The following CRACR2A variants were observed in gnomAD, a reference collection of about 807,000 sequenced individuals.
CRACR2A encodes calcium release activated channel regulator 2A.
Under a neutral mutation model 90.5 loss-of-function variants are expected in CRACR2A, and 79 were observed. The observed-to-expected ratio is 0.87, with a 90% CI of 0.73 to 1.05. The LOEUF (loss-of-function observed/expected upper bound fraction) is 1.05, where lower values mean the gene tolerates loss of function less well. Ranked by LOEUF, CRACR2A falls within the 50% of genes least tolerant of loss-of-function variation. The pLI, the probability that CRACR2A is intolerant of heterozygous loss-of-function variation, is 0.00. For synonymous variants in CRACR2A, 338 were observed against 356.7 expected (o/e 0.95, Z 0.59); for missense variants, 823 against 897.2 (o/e 0.92, Z 1.06).
Position 3,619,355 on chromosome 12 carries a change from C to T in CRACR2A, c.1950G>A (p.Arg650=), listed in dbSNP as rs1433333969. The change falls in exon 18 of 20, where the codon CGG becomes CGA. Residue 650 remains arginine, a synonymous_variant. Coordinates refer to ENST00000440314, the MANE Select transcript of CRACR2A (RefSeq NM_001144958.2). Reference sequence around the variant, plus strand: ...TATTACCCAGCAGAAGAACAGGCACCCGGTCTCCCACAGCTTCCTGCAGAA... The same window carrying T: ...TATTACCCAGCAGAAGAACAGGCACTCGGTCTCCCACAGCTTCCTGCAGAA... ...LSSVEEAVGD[R]VPVLLLGNKL... is the part of the protein sequence containing the mutation. The T allele has an allele frequency of 6.4e-7, 1 of 1,551,526 alleles. No individual in the cohort carries two copies. Among genetic ancestry groups the T allele is most frequent in the African/African-American group, 1.4e-5 (1 of 73,044 alleles).
chr12:3,749,692 C>G (rs1331729558), intron 1 of CRACR2A, among the ~76,000 whole-genome samples: 2 of 152,092 alleles, frequency 1.3e-5, no homozygotes, highest in African/African-American at 2.4e-5. Flanking sequence ...TATCAAATTT[C>G]TCTCAGAGGA....
chr12:3,700,254 G>T (rs1945814859), intron 3 of CRACR2A, among the ~76,000 whole-genome samples: 1 of 152,172 alleles, frequency 6.6e-6, no homozygotes, highest in Admixed American at 6.5e-5. Context: ...GCATCTGACA[G>T]TGATTTCTGC....
chr12:3,733,302 T>G (rs183215238), intron 1 of CRACR2A, 92 bp from the exon 2 acceptor site: 1 of 152,490 alleles, frequency 6.6e-6, no homozygotes, highest in Admixed American at 6.5e-5. Flanking sequence ...AGGCAGACAC[T>G]GTGGCTTGCT....
At chr12:3,726,528 A>G (rs1419001168) in intron 2 of CRACR2A, 1 of 152,178 alleles carries the variant, frequency 6.6e-6, no homozygotes, top group Non-Finnish European at 1.5e-5. Flanking sequence ...GGAGGACAAT[A>G]GAATAAAGAA....
At chr12:3,732,705 G>A (rs1448732885) in intron 2 of CRACR2A, 2 of 152,326 alleles carry the variant, frequency 1.3e-5, no homozygotes, top group East Asian at 1.9e-4. Flanking sequence ...GGGATGTTGA[G>A]CCTATTCTGC....
intron 14 of CRACR2A, among the ~76,000 whole-genome samples, chr12:3,635,566 G>A (rs866415708): frequency 6.6e-5 from 10 of 152,238 alleles, no homozygotes; most frequent in Middle Eastern, 3.4e-3. Context: ...GAGTGCAGTG[G>A]TGTAATCATA....
intron 7 of CRACR2A, among the ~76,000 whole-genome samples, chr12:3,665,713 T>C (rs1193004540): frequency 6.6e-6 from 1 of 151,922 alleles, no homozygotes; most frequent in Non-Finnish European, 1.5e-5. Context: ...TGTGAAGAAA[T>C]GTGTGCAGGA....
chr12:3,629,858 G>A (rs995650556), intron 15 of CRACR2A, among the ~76,000 whole-genome samples: 5 of 146,974 alleles, frequency 3.4e-5, no homozygotes, highest in Non-Finnish European at 1.5e-5. Flanking sequence ...AGGGGGGGGG[G>A]GGATGAAGAG....
At chr12:3,672,742 C>T in intron 7 of CRACR2A, 1 of 985,470 alleles carries the variant, frequency 1.0e-6, no homozygotes, top group Non-Finnish European at 1.2e-6. Flanking sequence ...CCTGTTCTGA[C>T]TCTGGTTCAG....
chr12:3,668,224 T>G (rs1945181565), intron 7 of CRACR2A, among the ~76,000 whole-genome samples: 1 of 152,300 alleles, frequency 6.6e-6, no homozygotes, highest in South Asian at 2.1e-4. Flanking sequence ...AACTTCACCC[T>G]AAGAATAGGA....
At chr12:3,665,000 C>T (rs1429126281) in intron 7 of CRACR2A, among the ~76,000 whole-genome samples, 2 of 152,256 alleles carry the variant, frequency 1.3e-5, no homozygotes, top group African/African-American at 4.8e-5. Context: ...GAGTGAGACT[C>T]CGTCTCAAAA....
chr12:3,676,100 C>CCATT, intron 6 of CRACR2A, among the ~76,000 whole-genome samples: 2 of 11,550 alleles, frequency 1.7e-4, no homozygotes, highest in South Asian at 4.0e-3. Context: ...CTTATTTAGA[C>CCATT]CATCCATCCA....
chr12:3,673,742 G>T, intron 6 of CRACR2A, 150 bp from the exon 7 acceptor site: 1 of 981,504 alleles, frequency 1.0e-6, no homozygotes, highest in South Asian at 1.7e-5. Flanking sequence ...AATGCTTGCT[G>T]CATGTGAGGA....
intron 7 of CRACR2A, among the ~76,000 whole-genome samples, chr12:3,664,362 T>C (rs1312985309): frequency 6.6e-6 from 1 of 152,236 alleles, no homozygotes; most frequent in Non-Finnish European, 1.5e-5. Flanking sequence ...CTTCAAATAC[T>C]TTATATCCTT....
At chr12:3,619,629 C>G (rs1238109466) in intron 17 of CRACR2A, among the ~76,000 whole-genome samples, 1 of 152,206 alleles carries the variant, frequency 6.6e-6, no homozygotes, top group Admixed American at 6.5e-5. Flanking sequence ...GACCGCTCCC[C>G]CTTCACGATG....
intron 7 of CRACR2A, among the ~76,000 whole-genome samples, chr12:3,670,995 G>A (rs10848908): frequency 0.27 from 40,780 of 152,098 alleles, 6,415 homozygotes; most frequent in East Asian, 0.41. Context: ...TGGCTGAGCT[G>A]GTTTTGCACA....
intron 7 of CRACR2A, among the ~76,000 whole-genome samples, chr12:3,666,889 G>A (rs1161015521): frequency 1.3e-5 from 2 of 152,244 alleles, no homozygotes; most frequent in African/African-American, 2.4e-5. Context: ...CAAGAAAAAT[G>A]TAGCTTCTGC....
chr12:3,655,721 G>T (rs962389119), intron 9 of CRACR2A, among the ~76,000 whole-genome samples: 5 of 152,200 alleles, frequency 3.3e-5, no homozygotes, highest in African/African-American at 1.2e-4. Flanking sequence ...CCTGCAGAGG[G>T]CACCACCCAG....
intron 2 of CRACR2A, among the ~76,000 whole-genome samples, chr12:3,715,427 G>T (rs1054778495): frequency 6.6e-6 from 1 of 152,202 alleles, no homozygotes; most frequent in Non-Finnish European, 1.5e-5. Flanking sequence ...CTCAAAGGGT[G>T]TATGTTTTGG....
Sources: gnomAD v4.1 joint callset for allele counts (sites outside exome capture counted in the v4.1 genomes callset) on GRCh38, gnomAD v4.1.1 for gene constraint, MANE v1.5 for transcripts, NCBI Gene and HGNC (gene_info 2026-07-23, HGNC 2026-07-21) for gene names.